AK6: variants seen among roughly 807,000 people sequenced by gnomAD.
AK6 encodes the protein adenylate kinase 6.
AK6 carries 24 observed loss-of-function variants against 23.7 expected under a neutral mutation model. The ratio of observed to expected loss-of-function variants is 1.01; its 90% CI spans 0.73 to 1.43. The LOEUF is 1.43. AK6 is among the 40% of genes most tolerant of loss of function. The pLI is 0.00. For synonymous variants in AK6, 73 were observed against 69.8 expected (o/e 1.05, Z -0.23); for missense variants, 191 against 199.1 (o/e 0.96, Z 0.24).
intron 2 of AK6, among the ~76,000 whole-genome samples, chr5:69,360,888 A>G (rs890693042): frequency 1.3e-5 from 2 of 152,198 alleles, no homozygotes; most frequent in African/African-American, 4.8e-5. Flanking sequence ...GGTTAGAGAT[A>G]TATCAAGATT....
upstream of AK6, chr5:69,369,759 C>T: frequency 6.8e-7 from 1 of 1,481,250 alleles, no homozygotes; most frequent in Non-Finnish European, 9.2e-7. Context: ...GTCACACACT[C>T]CTTCGGTGGT....
chr5:69,369,186 G>C (rs1205488322), intron 1 of AK6: 4 of 499,732 alleles, frequency 8.0e-6, no homozygotes, highest in East Asian at 3.5e-5. Context: ...AGACTAAGCA[G>C]GTTGCCAAGC....
At chr5:69,369,577 GC>G, upstream of AK6, 1 of 1,604,736 alleles carries the variant, frequency 6.2e-7, no homozygotes, top group Non-Finnish European at 8.5e-7. Context: ...GGCAGCAAAA[GC>G]CCACGGCCCC....
chr5:69,365,077 A>C, intron 2 of AK6: 1 of 1,614,202 alleles, frequency 6.2e-7, no homozygotes, highest in Non-Finnish European at 8.5e-7. Context: ...ATGTTTTTGG[A>C]CCCGATTAAT....
At chr5:69,352,290 A>G in intron 4 of AK6, 37 bp from the exon 5 acceptor site, 3 of 1,528,258 alleles carry the variant, frequency 2.0e-6, no homozygotes, top group Non-Finnish European at 2.7e-6. Flanking sequence ...AAGAAGCAAA[A>G]TAAATGGCAT....
intron 2 of AK6, among the ~76,000 whole-genome samples, chr5:69,356,920 G>A (rs1762097865): frequency 6.6e-6 from 1 of 152,144 alleles, no homozygotes; most frequent in Non-Finnish European, 1.5e-5. Context: ...ACAAATCACA[G>A]CTGGTTTTCA....
intron 2 of AK6, among the ~76,000 whole-genome samples, chr5:69,359,039 G>A (rs1762158828): frequency 1.3e-5 from 2 of 151,140 alleles, no homozygotes; most frequent in Admixed American, 6.6e-5. Flanking sequence ...CTGGGAGTTC[G>A]GGATCACCCT....
At chr5:69,359,138 C>T (rs1762161560) in intron 2 of AK6, among the ~76,000 whole-genome samples, 1 of 151,640 alleles carries the variant, frequency 6.6e-6, no homozygotes, top group Non-Finnish European at 1.5e-5. Context: ...CCCAGCTACT[C>T]TGGAGGTTGA....
chr5:69,368,067 T>C (rs953482854), intron 1 of AK6, among the ~76,000 whole-genome samples: 6 of 152,126 alleles, frequency 3.9e-5, no homozygotes, highest in African/African-American at 1.4e-4. Flanking sequence ...GAAAATTACC[T>C]CTACTGACCC....
intron 4 of AK6, among the ~76,000 whole-genome samples, chr5:69,354,469 C>T (rs1002042378): frequency 6.6e-6 from 1 of 152,036 alleles, no homozygotes; most frequent in Non-Finnish European, 1.5e-5. Flanking sequence ...ACATTCTGAC[C>T]CCGACCTTAA....
At chr5:69,369,244 C>CCCCCCCCCCGCCCA in intron 1 of AK6, 3 of 266,128 alleles carry the variant, frequency 1.1e-5, no homozygotes, top group South Asian at 2.3e-4. Flanking sequence ...CCGCCCCCCC[C>CCCCCCCCCCGCCCA]CGGAGCCTCA....
Position 69,365,744 on chromosome 5 carries a change from C to T in AK6, c.121+759G>A, listed in dbSNP as rs768019304. 2.4e-5 allele frequency: 37 copies of T among 1,523,092 alleles called. No homozygotes were observed. In the East Asian group the frequency reaches 5.2e-4, roughly 21 times the overall value. The allele number at this position is 1,523,092 out of a possible 1,614,324, so 94.3% of individuals were successfully genotyped here. On this transcript the variant is annotated intron_variant, in intron 2 of 4. Transcript: ENST00000380822. ...CCGTCTTGCCAGACTCCATGATATC[C>T]GATGATCAGACTTTAGATCATTTGA... is the stretch of plus-strand genomic sequence containing the variant.
intron 2 of AK6, among the ~76,000 whole-genome samples, chr5:69,358,926 G>GA (rs1580308318): frequency 6.6e-6 from 1 of 151,694 alleles, no homozygotes; most frequent in African/African-American, 2.4e-5. Context: ...ATTGCTTGCA[G>GA]AAAAAAAATC....
At chr5:69,364,761 T>G in intron 2 of AK6, 1 of 688,484 alleles carries the variant, frequency 1.5e-6, no homozygotes, top group East Asian at 2.5e-5. Flanking sequence ...ATGACAACTT[T>G]ATTTTTCTTA....
rs180836289 is a variant in AK6, at chr5:69,354,382, A to G, written c.326+1267T>C. Reference sequence around the variant, plus strand: ...TTTCTATATGTATATTTGCTGCCATACTATTCTGTGCAAGGATTTACAAGT... The same window carrying G: ...TTTCTATATGTATATTTGCTGCCATGCTATTCTGTGCAAGGATTTACAAGT... On this transcript the variant is annotated intron_variant, in intron 4 of 4. Coordinates refer to ENST00000380822, the MANE Select transcript of AK6 (RefSeq NM_016283.5). Among the ~76,000 whole-genome samples, 757 of 152,256 alleles carry G rather than the reference A, an allele frequency of 5.0e-3. 4 individuals carry two copies. Among genetic ancestry groups the G allele is most frequent in the Non-Finnish European group, 7.1e-3 (480 of 68,026 alleles).
Position 69,355,732 on chromosome 5 carries a change from A to T in AK6, c.243T>A (p.Cys81Ter). 6.2e-7 allele frequency: 1 copy of T among 1,614,036 alleles called. No individual in the cohort carries two copies. Residue 81 changes from cysteine to a stop codon, truncating the protein, a stop_gained, in exon 4 of 5, where the codon TGT (cysteine) becomes TGA (stop). Coordinates refer to ENST00000380822, the MANE Select transcript of AK6 (RefSeq NM_016283.5). LOFTEE classifies it high-confidence loss of function. ...GAAACCAGCGTTCAGGGAAGAAATC[A>T]CAACCATGGTAATCAACAATAACTC... is the stretch of plus-strand genomic sequence containing the variant. The part of the protein sequence containing the change: ...EGGVIVDYHG[C>*]DFFPERWFHI...
intron 2 of AK6, among the ~76,000 whole-genome samples, chr5:69,364,219 AT>A (rs1715553924): frequency 6.7e-6 from 1 of 150,306 alleles, no homozygotes; most frequent in African/African-American, 2.4e-5. Flanking sequence ...TAAAAAAAAT[AT>A]ATATATATAT....
At position 69,365,300 on chromosome 5, in the gene AK6, C is replaced by T. The variant is rs150848424; in HGVS notation, c.121+1203G>A. 9.2e-4 allele frequency: 1,492 copies of T among 1,614,102 alleles called. 7 individuals are homozygous for T. Among genetic ancestry groups the T allele is most frequent in the Middle Eastern group, 8.9e-3 (54 of 6,062 alleles). On this transcript the variant is annotated intron_variant, in intron 2 of 4. Transcript: ENST00000380822. ...TAGTAACTGAACCAACACTTAACCG[C>T]GGGACTGTTATTCTTCCCGCAGAAG...
chr5:69,358,256 C>T (rs1762133172), intron 2 of AK6, among the ~76,000 whole-genome samples: 2 of 152,200 alleles, frequency 1.3e-5, no homozygotes, highest in South Asian at 2.1e-4. Flanking sequence ...GGTGCGGTGG[C>T]TCATGCCTGT....
Sources: allele counts gnomAD v4.1 joint callset (sites outside exome capture counted in the v4.1 genomes callset), GRCh38; gene constraint gnomAD v4.1.1; transcripts MANE v1.5; gene names NCBI Gene and HGNC (gene_info 2026-07-23, HGNC 2026-07-21).